GRM8: variants seen among roughly 807,000 people sequenced by gnomAD.
The protein encoded by GRM8 is glutamate metabotropic receptor 8, also known as metabotropic glutamate receptor 8.
A neutral mutation model predicts 87.2 loss-of-function variants in GRM8; 47 were observed. The observed-to-expected ratio is 0.54, with a 90% CI of 0.43 to 0.69. GRM8 has a LOEUF of 0.69. Ranked by LOEUF, GRM8 falls within the 30% of genes least tolerant of loss-of-function variation. GRM8 has a pLI of 0.00. For synonymous variants in GRM8, 396 were observed against 404.5 expected (o/e 0.98, Z 0.25); for missense variants, 1,019 against 1,139.2 (o/e 0.89, Z 1.52).
intron 3 of GRM8, among the ~76,000 whole-genome samples, chr7:127,047,280 CT>C (rs1335622635): frequency 6.6e-6 from 1 of 152,134 alleles, no homozygotes; most frequent in East Asian, 1.9e-4. Context: ...CATTTGACCC[CT>C]TACAGAAAAA....
At chr7:126,698,005 GTTC>G (rs1809556164) in intron 7 of GRM8, among the ~76,000 whole-genome samples, 1 of 152,086 alleles carries the variant, frequency 6.6e-6, no homozygotes, top group South Asian at 2.1e-4. Flanking sequence ...GTAAATATTT[GTTC>G]TTCATGGAAG....
intron 8 of GRM8, among the ~76,000 whole-genome samples, chr7:126,572,944 G>A (rs918757713): frequency 2.6e-5 from 4 of 152,000 alleles, no homozygotes; most frequent in African/African-American, 4.8e-5. Context: ...ACCACAAACG[G>A]TGCAAGAAAA....
intron 6 of GRM8, among the ~76,000 whole-genome samples, chr7:126,821,230 C>T (rs947055577): frequency 2.6e-5 from 4 of 152,140 alleles, no homozygotes; most frequent in African/African-American, 7.2e-5. Context: ...CCTTTGTTTC[C>T]TATCTCCTCT....
chr7:126,706,673 A>C, intron 7 of GRM8, among the ~76,000 whole-genome samples: 1 of 152,200 alleles, frequency 6.6e-6, no homozygotes, highest in East Asian at 1.9e-4. Flanking sequence ...TTAACACATA[A>C]AATGATCACC....
rs3819493 is a variant in GRM8, at chr7:127,195,041, C to A, written c.510+47654G>T. Among the ~76,000 whole-genome samples, 80 of 152,154 alleles carry A rather than the reference C, an allele frequency of 5.3e-4. No individual in the cohort carries two copies. In the East Asian group the frequency reaches 0.015, roughly 28 times the overall value. On this transcript the variant is annotated intron_variant, in intron 2 of 10. Coordinates refer to ENST00000339582, the MANE Select transcript of GRM8 (RefSeq NM_000845.3). ...ATCAAATAGTGATCTTATTATAGAT[C>A]ACTCCCACAGCAACTTGGTCCTTGC...
intron 3 of GRM8, among the ~76,000 whole-genome samples, chr7:127,054,968 A>G (rs558588212): frequency 8.5e-5 from 13 of 152,300 alleles, no homozygotes; most frequent in Non-Finnish European, 1.2e-4. Context: ...TAAATTCAAT[A>G]TGAACCAACC....
chr7:127,130,794 T>A (rs1211064494), intron 2 of GRM8, among the ~76,000 whole-genome samples: 1 of 152,180 alleles, frequency 6.6e-6, no homozygotes, highest in East Asian at 1.9e-4. Context: ...TCCCACATGC[T>A]GTTTTTATGA....
chr7:127,142,401 C>T (rs1828320504), intron 2 of GRM8, among the ~76,000 whole-genome samples: 1 of 152,102 alleles, frequency 6.6e-6, no homozygotes, highest in Non-Finnish European at 1.5e-5. Flanking sequence ...AAAGAGAAGT[C>T]CCAACGACAC....
chr7:127,242,348 G>A (rs559298647), intron 2 of GRM8, among the ~76,000 whole-genome samples: 8 of 152,116 alleles, frequency 5.3e-5, no homozygotes, highest in African/African-American at 9.6e-5. Flanking sequence ...TGATAAATGC[G>A]CTGAGTTCAT....
chr7:126,607,859 C>T (rs1798520613), intron 8 of GRM8, among the ~76,000 whole-genome samples: 1 of 134,472 alleles, frequency 7.4e-6, no homozygotes, highest in Non-Finnish European at 1.6e-5. Flanking sequence ...TCCCCCCACC[C>T]CACAACAGTC....
intron 8 of GRM8, among the ~76,000 whole-genome samples, chr7:126,600,105 G>C (rs796776929): frequency 5.3e-5 from 8 of 152,218 alleles, no homozygotes; most frequent in African/African-American, 1.9e-4. Flanking sequence ...GGTGATCATT[G>C]ATTCCTTGAA....
intron 7 of GRM8, among the ~76,000 whole-genome samples, chr7:126,681,496 G>A (rs1401417707): frequency 6.6e-6 from 1 of 152,148 alleles, no homozygotes; most frequent in African/African-American, 2.4e-5. Flanking sequence ...TTGCAAACCA[G>A]ACAGAAAAAG....
intron 10 of GRM8, among the ~76,000 whole-genome samples, chr7:126,445,814 A>C (rs749921740): frequency 6.6e-6 from 1 of 152,068 alleles, no homozygotes; most frequent in Non-Finnish European, 1.5e-5. Flanking sequence ...GTTTCCAAGT[A>C]CTAAAAGATA....
chr7:127,046,497 G>A (rs951520209), intron 3 of GRM8, among the ~76,000 whole-genome samples: 6 of 152,130 alleles, frequency 3.9e-5, no homozygotes, highest in Non-Finnish European at 7.4e-5. Flanking sequence ...TCTTTATCTC[G>A]CTGTGCCTCA....
intron 6 of GRM8, among the ~76,000 whole-genome samples, chr7:126,811,001 AG>A (rs1332065477): frequency 6.6e-6 from 1 of 152,088 alleles, no homozygotes; most frequent in Non-Finnish European, 1.5e-5. Flanking sequence ...TTATAGTATC[AG>A]GTCTCACATT....
intron 6 of GRM8, among the ~76,000 whole-genome samples, chr7:126,822,162 ACT>A (rs769573209): frequency 4.9e-4 from 75 of 152,206 alleles, no homozygotes; most frequent in South Asian, 8.3e-4. Flanking sequence ...ATATCCTCTC[ACT>A]GACTCCATTT....
At chr7:127,089,605 G>A (rs1468427994) in intron 3 of GRM8, among the ~76,000 whole-genome samples, 3 of 152,144 alleles carry the variant, frequency 2.0e-5, no homozygotes, top group Non-Finnish European at 4.4e-5. Context: ...TTAAAATGTG[G>A]AGCTAACCCT....
intron 6 of GRM8, among the ~76,000 whole-genome samples, chr7:126,858,602 C>A (rs1797885564): frequency 6.6e-6 from 1 of 152,200 alleles, no homozygotes; most frequent in Admixed American, 6.5e-5. Flanking sequence ...CCCAAACAGG[C>A]CAGTTTCAAT....
At chr7:127,244,192 T>C (rs1020445360) in intron 1 of GRM8, among the ~76,000 whole-genome samples, 17 of 152,202 alleles carry the variant, frequency 1.1e-4, no homozygotes, top group Admixed American at 6.5e-4. Context: ...ATATTCCTAT[T>C]ACCATTGTCA....
Sources: gnomAD v4.1 joint callset for allele counts (sites outside exome capture counted in the v4.1 genomes callset) on GRCh38, gnomAD v4.1.1 for gene constraint, MANE v1.5 for transcripts, NCBI Gene and HGNC (gene_info 2026-07-23, HGNC 2026-07-21) for gene names.